FRMD4A: variants seen among roughly 807,000 people sequenced by gnomAD.
FRMD4A encodes the protein FERM domain-containing protein 4A.
Under a neutral mutation model 129.1 loss-of-function variants are expected in FRMD4A, and 29 were observed. The ratio of observed to expected loss-of-function variants is 0.22; its 90% confidence interval spans 0.17 to 0.31. FRMD4A has a LOEUF of 0.31. Ranked by LOEUF, FRMD4A falls within the 10% of genes least tolerant of loss-of-function variation. The probability of loss-of-function intolerance (pLI) is 1.00; values close to 1 mark genes in which losing one functional copy is unlikely to be tolerated. For missense variants in FRMD4A, 1,272 were observed against 1,375.8 expected (o/e 0.92, Z 1.19); for synonymous variants, 634 against 571.6 (o/e 1.11, Z -1.56).
At chr10:13,967,601 C>A (rs1019206385) in intron 2 of FRMD4A, among the ~76,000 whole-genome samples, 2 of 152,214 alleles carry the variant, frequency 1.3e-5, no homozygotes, top group Non-Finnish European at 2.9e-5. Context: ...CTCGGATGTG[C>A]CAAGCCATGG....
intron 24 of FRMD4A, chr10:13,651,653 A>G (rs2081593277): frequency 4.4e-6 from 2 of 456,598 alleles, no homozygotes; most frequent in East Asian, 4.0e-5. Flanking sequence ...AGCCTGGGCA[A>G]CAGAACAAGA....
rs938321549 is a variant in FRMD4A at position 14,229,609 on chromosome 10, T to A, written c.45+100449A>T. Among the ~76,000 whole-genome samples the A allele has an allele frequency of 3.3e-5, 5 of 152,152 alleles. No individual in the cohort carries two copies. The South Asian group carries it at 1.0e-3, about 32-fold the overall frequency. Reference sequence around the variant, plus strand: ...TGCACCACAATGCTTGGCTAATTTTTAAAAAAAGATGTAGAGACAGAGTCT... The same window carrying A: ...TGCACCACAATGCTTGGCTAATTTTAAAAAAAAGATGTAGAGACAGAGTCT... On this transcript the variant is annotated intron_variant, in intron 2 of 24. Transcript: ENST00000357447.
intron 2 of FRMD4A, among the ~76,000 whole-genome samples, chr10:14,150,758 G>T (rs1413162700): frequency 2.6e-5 from 4 of 152,128 alleles, no homozygotes; most frequent in African/African-American, 9.7e-5. Flanking sequence ...CACGCTTACA[G>T]CCAGGAACCC....
intron 2 of FRMD4A, among the ~76,000 whole-genome samples, chr10:14,284,578 A>C (rs1845623500): frequency 6.6e-6 from 1 of 152,174 alleles, no homozygotes; most frequent in African/African-American, 2.4e-5. Context: ...ATCTGAACCC[A>C]GGAAGCAGAG....
At chr10:14,121,276 G>A (rs917709455) in intron 2 of FRMD4A, among the ~76,000 whole-genome samples, 2 of 152,228 alleles carry the variant, frequency 1.3e-5, no homozygotes, top group African/African-American at 4.8e-5. Flanking sequence ...GCTTAGACAG[G>A]AGAATTGCCT....
intron 16 of FRMD4A, among the ~76,000 whole-genome samples, 157 bp downstream of exon 16, chr10:13,674,754 G>A (rs191261708): frequency 1.7e-3 from 257 of 152,272 alleles, no homozygotes; most frequent in African/African-American, 5.8e-3. Context: ...AGCGCTCGCC[G>A]CCCAGATAGG....
At chr10:14,205,324 C>T (rs4750487) in intron 2 of FRMD4A, among the ~76,000 whole-genome samples, 37,423 of 151,958 alleles carry the variant, frequency 0.25, 4,922 homozygotes, top group East Asian at 0.4. Context: ...CAGAACATGT[C>T]CATCATCATA....
chr10:13,929,392 A>C (rs2131280383), intron 2 of FRMD4A, among the ~76,000 whole-genome samples: 2 of 152,314 alleles, frequency 1.3e-5, no homozygotes, highest in Middle Eastern at 3.4e-3. Flanking sequence ...TGGCAGGTGC[A>C]GAGCTGCCCG....
chr10:13,856,210 TTGTGCAAGTGTGTGTGTG>T (rs1456132348), intron 3 of FRMD4A, among the ~76,000 whole-genome samples: 1 of 145,374 alleles, frequency 6.9e-6, no homozygotes, highest in Non-Finnish European at 1.5e-5. Flanking sequence ...TAGATGGATT[TTGTGCAAGTGTGTGTGTG>T]TGTGTGTGTG....
At chr10:14,044,216 T>TA (rs1833895107) in intron 2 of FRMD4A, among the ~76,000 whole-genome samples, 1 of 152,256 alleles carries the variant, frequency 6.6e-6, no homozygotes, top group African/African-American at 2.4e-5. Context: ...CTCTTTCCTG[T>TA]CGCCCCTTTA....
chr10:14,239,837 G>T (rs1192031137), intron 2 of FRMD4A, among the ~76,000 whole-genome samples: 1 of 152,198 alleles, frequency 6.6e-6, no homozygotes, highest in East Asian at 1.9e-4. Context: ...TCAGCTGAAA[G>T]CATGGTGTGA....
intron 3 of FRMD4A, among the ~76,000 whole-genome samples, chr10:13,832,126 C>T (rs1052698048): frequency 6.6e-6 from 1 of 151,938 alleles, no homozygotes; most frequent in African/African-American, 2.4e-5. Flanking sequence ...CAATGAATTA[C>T]ACCAAGAGAA....
chr10:13,995,682 TG>T (rs2095620008), intron 2 of FRMD4A, among the ~76,000 whole-genome samples: 1 of 152,240 alleles, frequency 6.6e-6, no homozygotes, highest in South Asian at 2.1e-4. Context: ...TGGCACGGCA[TG>T]TGGCCTTGGG....
At chr10:14,064,521 G>A (rs1834963017) in intron 2 of FRMD4A, among the ~76,000 whole-genome samples, 3 of 152,144 alleles carry the variant, frequency 2.0e-5, no homozygotes, top group South Asian at 2.1e-4. Flanking sequence ...CAGGCTCTAT[G>A]CTGATTCTCA....
At chr10:13,673,577 C>A (rs1401938271) in intron 16 of FRMD4A, among the ~76,000 whole-genome samples, 1 of 148,080 alleles carries the variant, frequency 6.8e-6, no homozygotes, top group Admixed American at 6.6e-5. Context: ...CATGTGCATG[C>A]GTGCGCGCGC....
At chr10:14,316,508 C>CAA (rs760301974) in intron 2 of FRMD4A, among the ~76,000 whole-genome samples, 11,296 of 109,636 alleles carry the variant, frequency 0.1, 1,761 homozygotes, top group African/African-American at 0.34. Context: ...GTGATAGCAG[C>CAA]AAAAAAAAAA....
At chr10:14,246,787 A>G (rs1844257534) in intron 2 of FRMD4A, among the ~76,000 whole-genome samples, 1 of 152,144 alleles carries the variant, frequency 6.6e-6, no homozygotes, top group South Asian at 2.1e-4. Flanking sequence ...GTGGAAATAC[A>G]AAAGAGAGAA....
chr10:14,118,393 G>T (rs945294036), intron 2 of FRMD4A, among the ~76,000 whole-genome samples: 15 of 152,202 alleles, frequency 9.9e-5, no homozygotes, highest in African/African-American at 3.6e-4. Context: ...AGGAACTTCA[G>T]TCACTGGCCA....
chr10:14,035,039 T>C (rs1488323363), intron 2 of FRMD4A, among the ~76,000 whole-genome samples: 1 of 152,154 alleles, frequency 6.6e-6, no homozygotes, highest in African/African-American at 2.4e-5. Context: ...TATGAAACAG[T>C]ACAATCTGAA....
Sources: allele counts gnomAD v4.1 joint callset (sites outside exome capture counted in the v4.1 genomes callset), GRCh38; gene constraint gnomAD v4.1.1; transcripts MANE v1.5; gene names NCBI Gene and HGNC (gene_info 2026-07-23, HGNC 2026-07-21).